The following ADA2 variants were observed in gnomAD, a reference collection of about 807,000 sequenced individuals.
The protein encoded by ADA2 is adenosine deaminase CECR1.
A neutral mutation model predicts 44.2 loss-of-function variants in ADA2; 29 were observed. The observed-to-expected ratio is 0.66, with a 90% CI of 0.49 to 0.89. ADA2 has a LOEUF of 0.89. Among genes scored for constraint, ADA2 ranks in the 40% least tolerant of loss-of-function variants. The pLI is 0.00. For synonymous variants in ADA2, 215 were observed against 234.9 expected (o/e 0.92, Z 0.77); for missense variants, 637 against 644.8 (o/e 0.99, Z 0.13).
At chr22:17,202,784 TGTGTGTG>T (rs2062306302) in intron 4 of ADA2, among the ~76,000 whole-genome samples, 2 of 149,904 alleles carry the variant, frequency 1.3e-5, no homozygotes, top group Non-Finnish European at 3.0e-5. Flanking sequence ...TTTTTTTTTT[TGTGTGTG>T]TGTGTTTTTT....
At chr22:17,193,074 A>C in intron 4 of ADA2, 1 of 903,734 alleles carries the variant, frequency 1.1e-6, no homozygotes, top group Non-Finnish European at 1.8e-6. Flanking sequence ...GATGCCCAAC[A>C]GTGGTTATGG....
chr22:17,221,248 G>A (rs1224366087), upstream of ADA2, among the ~76,000 whole-genome samples: 3 of 152,016 alleles, frequency 2.0e-5, no homozygotes, highest in East Asian at 5.8e-4. Context: ...CCGCACAAAG[G>A]GAAACCACCA....
intron 3 of ADA2, among the ~76,000 whole-genome samples, chr22:17,204,789 T>C (rs1601456101): frequency 7.7e-6 from 1 of 130,618 alleles, no homozygotes; most frequent in Non-Finnish European, 1.6e-5. Context: ...GAAAATCAAT[T>C]CCTTCTTTTT....
intron 7 of ADA2, among the ~76,000 whole-genome samples, chr22:17,184,985 T>A (rs1359416998): frequency 1.8e-5 from 2 of 110,364 alleles, no homozygotes; most frequent in East Asian, 2.1e-4. Flanking sequence ...CATGTCAAAA[T>A]ATATATATAT....
At chr22:17,207,014 T>A in intron 3 of ADA2, 57 bp downstream of exon 3, 2 of 1,342,708 alleles carry the variant, frequency 1.5e-6, no homozygotes, top group South Asian at 1.2e-5. Context: ...GGGAGACACC[T>A]ACCCACTGCC....
At chr22:17,205,610 A>G (rs1437911619) in intron 3 of ADA2, among the ~76,000 whole-genome samples, 1 of 152,178 alleles carries the variant, frequency 6.6e-6, no homozygotes, top group African/African-American at 2.4e-5. Flanking sequence ...TTCTCATTTC[A>G]TAAAGGGAAG....
intron 7 of ADA2, among the ~76,000 whole-genome samples, chr22:17,186,557 G>C (rs1458506664): frequency 6.6e-6 from 1 of 151,818 alleles, no homozygotes; most frequent in African/African-American, 2.4e-5. Context: ...ACTCCAGCCT[G>C]GGCGATACAG....
intron 4 of ADA2, chr22:17,199,442 C>CCCACCCTCCCCTCCTCTATACTCTTA: frequency 9.8e-7 from 1 of 1,022,722 alleles, no homozygotes; most frequent in Non-Finnish European, 1.5e-6. Flanking sequence ...CTATCCTCTT[C>CCCACCCTCCCCTCCTCTATACTCTTA]CCCTCCACCC....
In ADA2 at chr22:17,184,983, AATATAT is replaced by A. The variant is rs374170344; in HGVS notation, c.1082-2228_1082-2223del. On this transcript the variant is annotated intron_variant, in intron 7 of 9. Transcript: ENST00000399837. ...CTGGGTGACAGAGTGCCCATGTCAA[AATATAT>A]ATATATATATATATATATGAAAACT... Among the ~76,000 whole-genome samples, 79 of 78,740 alleles carry A rather than the reference AATATAT, an allele frequency of 1.0e-3. 7 individuals carry two copies. The highest frequency in any genetic ancestry group is 3.9e-3 in the African/African-American group (70 of 17,850). 51.7% of individuals were successfully genotyped at this position (78,740 alleles called of 152,430 possible). A position where few individuals can be genotyped will look rare whatever the true frequency, so the allele number is the denominator to read the frequency against.
In ADA2 at chr22:17,190,721, G is replaced by A. The variant is rs118049883; in HGVS notation, c.882-689C>T. On this transcript the variant is annotated intron_variant, in intron 5 of 9. Coordinates refer to ENST00000399837, the MANE Select transcript of ADA2 (RefSeq NM_001282225.2). ...CTCCCCAGAGCCTAGGCAAACCTGGGGGCACTGATGCACTCAGCTCAGCCC... is the reference window on the plus strand; with the variant it reads ...CTCCCCAGAGCCTAGGCAAACCTGGAGGCACTGATGCACTCAGCTCAGCCC... 1.7e-4 allele frequency among the ~76,000 whole-genome samples: 26 copies of A among 152,294 alleles called. No homozygotes were observed. In the East Asian group the frequency reaches 4.8e-3, roughly 28 times the overall value.
intron 2 of ADA2, among the ~76,000 whole-genome samples, chr22:17,208,632 G>A (rs1479634922): frequency 7.3e-5 from 11 of 151,094 alleles, no homozygotes; most frequent in South Asian, 2.1e-4. Flanking sequence ...GTGAAACCCC[G>A]TCTCTACTAA....
chr22:17,186,561 G>GT (rs916433785), intron 7 of ADA2, among the ~76,000 whole-genome samples: 14 of 150,776 alleles, frequency 9.3e-5, no homozygotes, highest in Non-Finnish European at 1.6e-4. Context: ...CAGCCTGGGC[G>GT]ATACAGTAAG....
chr22:17,193,206 C>T, intron 4 of ADA2: 1 of 1,226,798 alleles, frequency 8.2e-7, no homozygotes, highest in South Asian at 1.2e-5. Context: ...ACATCGCTCA[C>T]AACGTTTCCT....
At chr22:17,189,041 A>G (rs1288080916) in intron 6 of ADA2, among the ~76,000 whole-genome samples, 27 of 109,768 alleles carry the variant, frequency 2.5e-4, no homozygotes, top group Non-Finnish European at 3.9e-4. Flanking sequence ...TTTTTTTGAG[A>G]TGGAGTCTTG....
At chr22:17,200,293 C>T (rs116254713) in intron 4 of ADA2, among the ~76,000 whole-genome samples, 351 of 152,240 alleles carry the variant, frequency 2.3e-3, no homozygotes, top group African/African-American at 8.1e-3. Context: ...TTTTTGCCAG[C>T]GCCTCCCTTT....
intron 4 of ADA2, among the ~76,000 whole-genome samples, chr22:17,201,202 CA>C (rs5844297): frequency 2.3e-3 from 290 of 125,022 alleles, no homozygotes; most frequent in Non-Finnish European, 2.3e-3. Context: ...GAAATTCTGT[CA>C]AAAAAAAAAA....
At chr22:17,219,885 A>G (rs1237573361), upstream of ADA2, among the ~76,000 whole-genome samples, 2 of 152,040 alleles carry the variant, frequency 1.3e-5, no homozygotes, top group African/African-American at 2.4e-5. Context: ...CATGTTGGTC[A>G]GGCTGCTCTC....
intron 4 of ADA2, among the ~76,000 whole-genome samples, chr22:17,202,161 A>C (rs2062297280): frequency 7.0e-6 from 1 of 143,614 alleles, no homozygotes; most frequent in African/African-American, 2.6e-5. Flanking sequence ...AGACAGTCTC[A>C]CTCTGTCACT....
intron 1 of ADA2, among the ~76,000 whole-genome samples, chr22:17,212,051 T>C (rs1300989284): frequency 2.0e-5 from 3 of 151,860 alleles, no homozygotes; most frequent in African/African-American, 7.3e-5. Context: ...GGGGACGGAG[T>C]TTCGCTCTTG....
Sources: gnomAD v4.1 joint callset for allele counts (sites outside exome capture counted in the v4.1 genomes callset) on GRCh38, gnomAD v4.1.1 for gene constraint, MANE v1.5 for transcripts, NCBI Gene and HGNC (gene_info 2026-07-23, HGNC 2026-07-21) for gene names.